HSDL2: variants seen among roughly 807,000 people sequenced by gnomAD.
The protein encoded by HSDL2 is hydroxysteroid dehydrogenase like 2.
Under a neutral mutation model 46.3 loss-of-function variants are expected in HSDL2, and 27 were observed. The ratio of observed to expected loss-of-function variants is 0.58; its 90% CI spans 0.43 to 0.80. The LOEUF is 0.80. Among genes scored for constraint, HSDL2 ranks in the 30% least tolerant of loss-of-function variants. HSDL2 has a pLI of 0.00. For missense variants in HSDL2, 451 were observed against 502.7 expected (o/e 0.90, Z 0.98); for synonymous variants, 153 against 163.6 (o/e 0.94, Z 0.50).
chr9:112,459,505 TA>T lies in HSDL2; in HGVS notation c.1073del (p.Tyr358LeufsTer11). On this transcript the variant is annotated frameshift_variant, in exon 10 of 11. Coordinates refer to ENST00000398805, the MANE Select transcript of HSDL2 (RefSeq NM_032303.5). LOFTEE classifies it high-confidence loss of function. ...GAAAAGCAAGGGTGGGAATGTCGGATATGGAGAGCCTTCTGATCAGGCAGAT... is the reference window on the plus strand; with the variant it reads ...GAAAAGCAAGGGTGGGAATGTCGGATTGGAGAGCCTTCTGATCAGGCAGAT... ...DLKSKGGNVG[Y>X]GEPSDQADVV... is the part of the protein sequence containing the mutation. 1.9e-6 allele frequency: 3 copies of T among 1,613,922 alleles called. No individual in the cohort carries two copies. The highest frequency in any genetic ancestry group is 2.5e-6 in the Non-Finnish European group (3 of 1,179,778).
intron 1 of HSDL2, among the ~76,000 whole-genome samples, chr9:112,388,335 C>G (rs545043241): frequency 3.3e-5 from 5 of 151,986 alleles, no homozygotes; most frequent in African/African-American, 1.2e-4. Context: ...GTGGTGCGTG[C>G]CTGTAATCCC....
intron 6 of HSDL2, among the ~76,000 whole-genome samples, chr9:112,423,123 G>T (rs1283212636): frequency 6.6e-6 from 1 of 152,134 alleles, no homozygotes; most frequent in African/African-American, 2.4e-5. Flanking sequence ...GAAAATAATG[G>T]CTGGCAAATA....
At chr9:112,398,717 G>C (rs984089782) in intron 1 of HSDL2, among the ~76,000 whole-genome samples, 1 of 152,004 alleles carries the variant, frequency 6.6e-6, no homozygotes, top group South Asian at 2.1e-4. Context: ...AAACAGTGAC[G>C]GGAGCATAAT....
At chr9:112,402,359 C>T (rs945143574) in intron 1 of HSDL2, among the ~76,000 whole-genome samples, 8 of 151,968 alleles carry the variant, frequency 5.3e-5, no homozygotes, top group African/African-American at 1.9e-4. Flanking sequence ...GAGTTTGAGA[C>T]CTGCCTGGGT....
intron 1 of HSDL2, among the ~76,000 whole-genome samples, chr9:112,381,597 G>A (rs1276073873): frequency 3.3e-5 from 5 of 152,012 alleles, no homozygotes; most frequent in Admixed American, 3.3e-4. Flanking sequence ...CTCGTGATCC[G>A]TCTGCCTCGG....
chr9:112,413,962 G>C (rs1231236961), intron 4 of HSDL2: 1 of 221,588 alleles, frequency 4.5e-6, no homozygotes, highest in Non-Finnish European at 9.0e-6. Context: ...TAGCAACTTA[G>C]AACTTTTTTT....
At chr9:112,386,333 A>G (rs1831215989) in intron 1 of HSDL2, among the ~76,000 whole-genome samples, 1 of 152,212 alleles carries the variant, frequency 6.6e-6, no homozygotes, top group Non-Finnish European at 1.5e-5. Context: ...GGTGTAAGAC[A>G]GGAAGAAAAA....
At chr9:112,465,919 G>A (rs1187669241) in intron 10 of HSDL2, among the ~76,000 whole-genome samples, 1 of 152,248 alleles carries the variant, frequency 6.6e-6, no homozygotes, top group East Asian at 1.9e-4. Flanking sequence ...TAGAATTCTA[G>A]GTCATAATAT....
intron 6 of HSDL2, among the ~76,000 whole-genome samples, chr9:112,420,649 C>A (rs567037901): frequency 1.3e-4 from 20 of 151,970 alleles, no homozygotes; most frequent in African/African-American, 4.3e-4. Flanking sequence ...TCAGCCTCAG[C>A]GACAGAGTGA....
At chr9:112,427,437 G>C (rs1020467784) in intron 6 of HSDL2, among the ~76,000 whole-genome samples, 1 of 152,038 alleles carries the variant, frequency 6.6e-6, no homozygotes, top group Non-Finnish European at 1.5e-5. Flanking sequence ...TAAATGATTC[G>C]GTCTCTTTAA....
intron 8 of HSDL2, among the ~76,000 whole-genome samples, chr9:112,446,407 C>T (rs114760795): frequency 0.035 from 5,273 of 152,080 alleles, 211 homozygotes; most frequent in East Asian, 0.16. Context: ...GAGGATTGCC[C>T]GAGGCCAGGA....
intron 9 of HSDL2, among the ~76,000 whole-genome samples, chr9:112,458,925 G>A (rs1833116607): frequency 6.6e-6 from 1 of 151,982 alleles, no homozygotes; most frequent in East Asian, 2.0e-4. Context: ...AGCTTGCAGT[G>A]AGCCGAGATC....
At chr9:112,414,200 T>C (rs1009798431) in intron 4 of HSDL2, among the ~76,000 whole-genome samples, 2 of 152,242 alleles carry the variant, frequency 1.3e-5, no homozygotes, top group Non-Finnish European at 2.9e-5. Context: ...AGAATGTTAG[T>C]ACGGGTCTTT....
chr9:112,413,932 C>G (rs546982908), intron 4 of HSDL2: 1 of 191,046 alleles, frequency 5.2e-6, no homozygotes, highest in African/African-American at 2.4e-5. Context: ...ACCTGACGTT[C>G]TGTATTTGTC....
At chr9:112,398,856 A>G (rs1831522587) in intron 1 of HSDL2, among the ~76,000 whole-genome samples, 1 of 152,126 alleles carries the variant, frequency 6.6e-6, no homozygotes, top group Non-Finnish European at 1.5e-5. Flanking sequence ...CATATTTTCC[A>G]TAGGTACCTG....
At chr9:112,458,928 C>T (rs1179423436) in intron 9 of HSDL2, among the ~76,000 whole-genome samples, 1 of 151,856 alleles carries the variant, frequency 6.6e-6, no homozygotes, top group East Asian at 2.0e-4. Context: ...TTGCAGTGAG[C>T]CGAGATCGCG....
At position 112,397,395 on chromosome 9, in the gene HSDL2, A is replaced by G. The variant is rs1270886351; in HGVS notation, c.18-6600A>G. ...TAAAAGCTAACATGCTAACATACAAAGGAGAATACCTTGAGCGTGCTCATC... is the reference window on the plus strand; with the variant it reads ...TAAAAGCTAACATGCTAACATACAAGGGAGAATACCTTGAGCGTGCTCATC... On this transcript the variant is annotated intron_variant, in intron 1 of 10. Transcript: ENST00000398805. 2.0e-5 allele frequency among the ~76,000 whole-genome samples: 3 copies of G among 152,232 alleles called. No individual in the cohort carries two copies. In the East Asian group the frequency reaches 5.8e-4, roughly 29 times the overall value.
At chr9:112,463,136 A>G (rs997044474) in intron 10 of HSDL2, among the ~76,000 whole-genome samples, 1 of 152,118 alleles carries the variant, frequency 6.6e-6, no homozygotes, top group African/African-American at 2.4e-5. Context: ...GTTTTTGGCT[A>G]TTATGGATAT....
At chr9:112,388,172 CA>C (rs201832602) in intron 1 of HSDL2, among the ~76,000 whole-genome samples, 80 of 149,300 alleles carry the variant, frequency 5.4e-4, no homozygotes, top group African/African-American at 1.7e-3. Context: ...AAAAAACAAA[CA>C]AAAAAAAACC....
Sources: allele counts gnomAD v4.1 joint callset (sites outside exome capture counted in the v4.1 genomes callset), GRCh38; gene constraint gnomAD v4.1.1; transcripts MANE v1.5; gene names NCBI Gene and HGNC (gene_info 2026-07-23, HGNC 2026-07-21).